RBPMS: variants seen among roughly 807,000 people sequenced by gnomAD.
The protein encoded by RBPMS is RNA binding protein, mRNA processing factor.
In RBPMS, 7 loss-of-function variants were observed where a neutral mutation model predicts 26.8. That is an observed-to-expected ratio of 0.26 (90% CI 0.15 to 0.49). RBPMS has a LOEUF of 0.49. RBPMS is among the 20% of genes least tolerant of loss of function. The pLI is 0.98. For synonymous variants in RBPMS, 96 were observed against 93.3 expected, an observed-to-expected ratio of 1.03 and a Z score of -0.17; for missense variants, 186 against 250.0, an observed-to-expected ratio of 0.74 and a Z score of 1.73.
In RBPMS at chr8:30,556,231, G is replaced by C. The variant is rs1479739938; in HGVS notation, c.529-2656G>C. The C allele has an allele frequency of 3.0e-6, 3 of 985,274 alleles. No homozygotes were observed. The Admixed American group carries it at 1.8e-4, about 61-fold the overall frequency. 61.0% of individuals were successfully genotyped at this position (985,274 alleles called of 1,614,324 possible). On this transcript the variant is annotated intron_variant, in intron 6 of 8. Transcript: ENST00000397323. ...AGCAGCCACCTATTGCATCACTGGC[G>C]TCCTCACTCCTCAGCTGAGCACAGC...
At chr8:30,421,160 TGTGTGAGAGAGAGTGTGTGTGTGTGA>T (rs1464034575) in intron 1 of RBPMS, among the ~76,000 whole-genome samples, 12 of 151,346 alleles carry the variant, frequency 7.9e-5, no homozygotes, top group Admixed American at 1.3e-4. Context: ...GGTGTGTGTG[TGTGTGAGAGAGAGTGTGTGTGTGTGA>T]GTGTGCGCAT....
chr8:30,386,790 C>T (rs1244255353), intron 1 of RBPMS, among the ~76,000 whole-genome samples: 1 of 152,164 alleles, frequency 6.6e-6, no homozygotes, highest in African/African-American at 2.4e-5. Flanking sequence ...GATGTGCAAT[C>T]TGTTTGCTTC....
At chr8:30,542,637 TAA>T (rs1265386891) in intron 5 of RBPMS, among the ~76,000 whole-genome samples, 1 of 152,246 alleles carries the variant, frequency 6.6e-6, no homozygotes, top group Non-Finnish European at 1.5e-5. Flanking sequence ...ACTGAGGATT[TAA>T]AAGACTCAGA....
chr8:30,559,082 CTT>C lies in RBPMS; in HGVS notation c.*7+128_*7+129del. ...CACCTTATGCACCTCCTTTGTCCAT[CTT>C]TGTTAAACTCACTTGAACTACATAG... On this transcript the variant is annotated intron_variant, in intron 7 of 8. Coordinates refer to ENST00000397323, the MANE Select transcript of RBPMS (RefSeq NM_001008710.3). 5.2e-6 allele frequency: 4 copies of C among 762,310 alleles called. 1 individual carries two copies. The African/African-American group carries it at 6.9e-5, about 13-fold the overall frequency. 47.2% of individuals were successfully genotyped at this position (762,310 alleles called of 1,614,324 possible). A position where few individuals can be genotyped will look rare whatever the true frequency, so the allele number is the denominator to read the frequency against.
At chr8:30,539,079 G>T (rs1825111102) in intron 5 of RBPMS, among the ~76,000 whole-genome samples, 1 of 152,202 alleles carries the variant, frequency 6.6e-6, no homozygotes, top group Non-Finnish European at 1.5e-5. Flanking sequence ...AGGTATGTGA[G>T]TGGGAGTTGA....
At chr8:30,528,702 G>A (rs949050765) in intron 5 of RBPMS, among the ~76,000 whole-genome samples, 4 of 152,058 alleles carry the variant, frequency 2.6e-5, no homozygotes, top group African/African-American at 9.7e-5. Flanking sequence ...TTACAAAGAA[G>A]GAATTAAGCT....
intron 1 of RBPMS, among the ~76,000 whole-genome samples, chr8:30,422,587 G>A (rs1810920785): frequency 6.6e-6 from 1 of 152,082 alleles, no homozygotes; most frequent in Non-Finnish European, 1.5e-5. Flanking sequence ...ATTTTATATA[G>A]AAATCTGCGC....
chr8:30,482,355 C>T (rs189875781), intron 4 of RBPMS, among the ~76,000 whole-genome samples: 11 of 152,246 alleles, frequency 7.2e-5, no homozygotes, highest in African/African-American at 2.6e-4. Flanking sequence ...AAACATATGC[C>T]TGAATCCAGT....
chr8:30,442,821 TA>T (rs1227864703), intron 1 of RBPMS: 3 of 152,022 alleles, frequency 2.0e-5, no homozygotes, highest in Non-Finnish European at 4.4e-5. Context: ...GGGATCTCTT[TA>T]ACTTCCTCAG....
In RBPMS at chr8:30,393,706, CAG is replaced by C. The variant is rs1357999951; in HGVS notation, c.66+8549_66+8550del. On this transcript the variant is annotated intron_variant, in intron 1 of 8. Transcript: ENST00000397323. Reference sequence around the variant, plus strand: ...CTAATTTTTGTATTTTTAGTAGAGACAGGGGTTTCACCATATTGGTCAGGTTG... The same window carrying C: ...CTAATTTTTGTATTTTTAGTAGAGACGGGTTTCACCATATTGGTCAGGTTG... Among the ~76,000 whole-genome samples the C allele has an allele frequency of 7.2e-5, 11 of 152,070 alleles. No homozygotes were observed. In the South Asian group the frequency reaches 8.3e-4, roughly 12 times the overall value.
intron 1 of RBPMS, among the ~76,000 whole-genome samples, chr8:30,466,569 T>C (rs1384355106): frequency 5.3e-5 from 8 of 151,546 alleles, no homozygotes; most frequent in Non-Finnish European, 1.0e-4. Flanking sequence ...AGCACAGTGG[T>C]TTTGGTTTTT....
chr8:30,535,268 T>A (rs1363922463), intron 5 of RBPMS, among the ~76,000 whole-genome samples: 2 of 152,244 alleles, frequency 1.3e-5, no homozygotes, highest in African/African-American at 4.8e-5. Context: ...ATATCGTTAA[T>A]TTTAACTAAC....
At chr8:30,505,329 C>T (rs1820970896) in intron 5 of RBPMS, among the ~76,000 whole-genome samples, 1 of 152,118 alleles carries the variant, frequency 6.6e-6, no homozygotes, top group Non-Finnish European at 1.5e-5. Context: ...GATCTTCTTC[C>T]TTCGATAGTA....
chr8:30,559,034 C>T (rs942358845), intron 7 of RBPMS, 78 bp downstream of exon 7: 2 of 1,200,526 alleles, frequency 1.7e-6, no homozygotes, highest in Admixed American at 1.7e-5. Flanking sequence ...ATGAACGCAG[C>T]TCTCCTCCTT....
chr8:30,443,269 G>GT (rs981831926), intron 1 of RBPMS, among the ~76,000 whole-genome samples: 19 of 152,106 alleles, frequency 1.2e-4, no homozygotes, highest in African/African-American at 3.4e-4. Context: ...ATTTTAAATA[G>GT]TTTTTTAAAA....
chr8:30,447,918 A>G (rs1814076230), intron 1 of RBPMS, among the ~76,000 whole-genome samples: 1 of 152,222 alleles, frequency 6.6e-6, no homozygotes, highest in Admixed American at 6.5e-5. Context: ...TTTTTGCTAG[A>G]TGATGGATTA....
At chr8:30,486,057 A>T (rs1585626356) in intron 4 of RBPMS, among the ~76,000 whole-genome samples, 1 of 152,306 alleles carries the variant, frequency 6.6e-6, no homozygotes, top group South Asian at 2.1e-4. Context: ...ACACTAATAA[A>T]AGCGCCTTGC....
At chr8:30,425,100 C>T (rs1811204144) in intron 1 of RBPMS, among the ~76,000 whole-genome samples, 1 of 151,916 alleles carries the variant, frequency 6.6e-6, no homozygotes, top group South Asian at 2.1e-4. Flanking sequence ...GGTCTACAGG[C>T]ATGCATCACC....
intron 6 of RBPMS, chr8:30,556,718 T>G: frequency 3.0e-6 from 3 of 985,992 alleles, no homozygotes; most frequent in Non-Finnish European, 3.6e-6. Context: ...TTCCCACCTG[T>G]CTCAGGAAGG....
Sources: allele counts gnomAD v4.1 joint callset (sites outside exome capture counted in the v4.1 genomes callset), GRCh38; gene constraint gnomAD v4.1.1; transcripts MANE v1.5; gene names NCBI Gene and HGNC (gene_info 2026-07-23, HGNC 2026-07-21).